Variants in SORCS3 observed in about 807,000 individuals in gnomAD.
SORCS3 encodes sortilin related VPS10 domain containing receptor 3, also known as VPS10 domain-containing receptor SorCS3.
A neutral mutation model predicts 146.3 loss-of-function variants in SORCS3; 57 were observed. The observed-to-expected ratio is 0.39, with a 90% confidence interval of 0.31 to 0.49. The LOEUF is 0.49. Among genes scored for constraint, SORCS3 ranks in the 20% least tolerant of loss-of-function variants. The probability of loss-of-function intolerance (pLI) is 0.92; values close to 1 mark genes in which losing one functional copy is unlikely to be tolerated. For missense variants in SORCS3, 1,341 were observed against 1,575.5 expected, an observed-to-expected ratio of 0.85 and a Z score of 2.52; for synonymous variants, 653 against 618.5, an observed-to-expected ratio of 1.06 and a Z score of -0.83.
At chr10:105,132,285 G>A (rs142674348) in intron 7 of SORCS3, among the ~76,000 whole-genome samples, 8 of 152,162 alleles carry the variant, frequency 5.3e-5, no homozygotes, top group African/African-American at 1.2e-4. Flanking sequence ...TACCATGTAT[G>A]GTACTGGTAA....
chr10:105,073,594 G>C (rs1015096047), intron 5 of SORCS3, among the ~76,000 whole-genome samples: 2 of 152,148 alleles, frequency 1.3e-5, no homozygotes, highest in Non-Finnish European at 2.9e-5. Context: ...CAGAATGTTA[G>C]GCAGCAAGGG....
chr10:105,060,678 C>T (rs2055479669), intron 5 of SORCS3, among the ~76,000 whole-genome samples: 1 of 152,176 alleles, frequency 6.6e-6, no homozygotes, highest in Non-Finnish European at 1.5e-5. Context: ...GTGGCTCAAA[C>T]CTGTAATCCT....
At chr10:104,809,098 A>T (rs1407062895) in intron 1 of SORCS3, among the ~76,000 whole-genome samples, 1 of 152,258 alleles carries the variant, frequency 6.6e-6, no homozygotes, top group Non-Finnish European at 1.5e-5. Context: ...GGGAGGTAGA[A>T]CATGGGTTCA....
chr10:105,198,230 C>A (rs1403114194), intron 14 of SORCS3, among the ~76,000 whole-genome samples: 1 of 152,084 alleles, frequency 6.6e-6, no homozygotes, highest in Non-Finnish European at 1.5e-5. Context: ...TAAATTTGAA[C>A]TATGTGGAGT....
intron 13 of SORCS3, among the ~76,000 whole-genome samples, chr10:105,171,122 A>G (rs1449584155): frequency 6.6e-6 from 1 of 152,178 alleles, no homozygotes; most frequent in African/African-American, 2.4e-5. Flanking sequence ...AATAATAGCT[A>G]CATCACCTTT....
At chr10:105,179,569 C>T (rs2056430595) in intron 14 of SORCS3, among the ~76,000 whole-genome samples, 1 of 152,158 alleles carries the variant, frequency 6.6e-6, no homozygotes, top group African/African-American at 2.4e-5. Context: ...AAGTATTCAT[C>T]AAAATGAATA....
intron 7 of SORCS3, among the ~76,000 whole-genome samples, chr10:105,138,239 T>C (rs1445276807): frequency 6.6e-6 from 1 of 152,186 alleles, no homozygotes; most frequent in Non-Finnish European, 1.5e-5. Flanking sequence ...TGACATCTGC[T>C]CTACCTGGCA....
At chr10:104,647,056 G>T (rs1388498858) in intron 1 of SORCS3, among the ~76,000 whole-genome samples, 1 of 152,138 alleles carries the variant, frequency 6.6e-6, no homozygotes, top group East Asian at 1.9e-4. Context: ...AATTGTTGTT[G>T]CCTGGGATAG....
intron 5 of SORCS3, among the ~76,000 whole-genome samples, chr10:105,046,545 G>A (rs968448711): frequency 1.2e-4 from 18 of 152,084 alleles, no homozygotes; most frequent in Non-Finnish European, 2.6e-4. Context: ...GATGATTGTT[G>A]TAATGGTTGT....
chr10:105,038,845 C>A (rs1461566729), intron 4 of SORCS3, among the ~76,000 whole-genome samples: 1 of 152,000 alleles, frequency 6.6e-6, no homozygotes, highest in Non-Finnish European at 1.5e-5. Flanking sequence ...TAAATGTTGA[C>A]ACATGTGTTT....
intron 2 of SORCS3, among the ~76,000 whole-genome samples, chr10:104,886,510 A>G (rs559303319): frequency 6.6e-6 from 1 of 152,186 alleles, no homozygotes; most frequent in South Asian, 2.1e-4. Flanking sequence ...TATATAATAC[A>G]TTACGTAAAA....
At chr10:104,843,847 G>T (rs1432862645) in intron 2 of SORCS3, among the ~76,000 whole-genome samples, 1 of 152,204 alleles carries the variant, frequency 6.6e-6, no homozygotes, top group Non-Finnish European at 1.5e-5. Flanking sequence ...TTGAGGTGTT[G>T]TGTGTTTTCT....
At chr10:104,812,898 G>A (rs1329194376) in intron 1 of SORCS3, among the ~76,000 whole-genome samples, 3 of 152,166 alleles carry the variant, frequency 2.0e-5, no homozygotes, top group African/African-American at 7.2e-5. Flanking sequence ...GTGGATCATG[G>A]GTATATGGAT....
chr10:105,095,957 C>T (rs2133746138), intron 6 of SORCS3, among the ~76,000 whole-genome samples: 1 of 152,272 alleles, frequency 6.6e-6, no homozygotes, highest in East Asian at 1.9e-4. Context: ...GATGGGGATA[C>T]TGGCATCTAC....
chr10:104,706,711 C>T (rs563956491), intron 1 of SORCS3, among the ~76,000 whole-genome samples: 2 of 152,140 alleles, frequency 1.3e-5, no homozygotes, highest in Non-Finnish European at 2.9e-5. Context: ...TATAGGGAGG[C>T]ACTCACAAGA....
rs774186039 is a variant in SORCS3 at position 105,217,104 on chromosome 10, C to G, written c.2716C>G (p.Leu906Val). Residue 906 changes from leucine (L) to valine (V), a missense_variant, in exon 19 of 27, where the codon CTC (leucine) becomes GTC (valine). Physicochemically the swap from Leu to Val is conservative, Grantham distance 32. Coordinates refer to ENST00000369701, the MANE Select transcript of SORCS3 (RefSeq NM_014978.3). The part of the protein sequence containing the change: ...ENNLGSDTAV[L>V]FLHVVCPVEH... The stretch of plus-strand genomic sequence containing the variant: ...CAACCTTGGCTCAGACACAGCTGTC[C>G]TCTTCCTGCATGTGGTTTGTAAGTA... 1 of 1,613,960 alleles carries G rather than the reference C, an allele frequency of 6.2e-7. No homozygotes were observed. Among genetic ancestry groups the G allele is most frequent in the Non-Finnish European group, 8.5e-7 (1 of 1,179,994 alleles).
Position 105,020,787 on chromosome 10 carries a change from T to C in SORCS3, c.955-22268T>C, listed in dbSNP as rs80215341. ...CCTCCATTTACCTTATGCTGTGCTG[T>C]TACTGTGCCATTGTTTATGAAGGAC... On this transcript the variant is annotated intron_variant, in intron 4 of 26. Transcript: ENST00000369701. 0.013 allele frequency among the ~76,000 whole-genome samples: 2,023 copies of C among 152,320 alleles called. 81 individuals carry two copies. In the East Asian group the frequency reaches 0.15, roughly 11 times the overall value.
chr10:104,759,749 A>G (rs2017098235), intron 1 of SORCS3, among the ~76,000 whole-genome samples: 1 of 151,800 alleles, frequency 6.6e-6, no homozygotes, highest in Non-Finnish European at 1.5e-5. Flanking sequence ...GTTGTATTCT[A>G]TTTATGCTGA....
intron 2 of SORCS3, among the ~76,000 whole-genome samples, chr10:104,887,314 T>C (rs7897270): frequency 0.37 from 56,115 of 151,876 alleles, 13,501 homozygotes; most frequent in African/African-American, 0.69. Flanking sequence ...AGAGAGGAGG[T>C]ACAGAGGACA....
Sources: gnomAD v4.1 joint callset for allele counts (sites outside exome capture counted in the v4.1 genomes callset) on GRCh38, gnomAD v4.1.1 for gene constraint, MANE v1.5 for transcripts, NCBI Gene and HGNC (gene_info 2026-07-23, HGNC 2026-07-21) for gene names.